The following LONRF2 variants were observed in gnomAD, a reference collection of about 807,000 sequenced individuals.
The protein encoded by LONRF2 is LON peptidase N-terminal domain and RING finger protein 2.
A neutral mutation model predicts 66.6 loss-of-function variants in LONRF2; 35 were observed. The observed-to-expected ratio is 0.53, with a 90% CI of 0.40 to 0.70. LONRF2 has a LOEUF of 0.70. Ranked by LOEUF, LONRF2 falls within the 30% of genes least tolerant of loss-of-function variation. The pLI is 0.00. For missense variants in LONRF2, 902 were observed against 1,002.1 expected (o/e 0.90, Z 1.35); for synonymous variants, 417 against 418.1 (o/e 1.00, Z 0.03).
rs1213055378 is a variant in LONRF2, at chr2:100,276,314, T to A, written c.*7984A>T. On this transcript the variant is annotated 3_prime_UTR_variant, in exon 12 of 12. Transcript: ENST00000393437. ...AAACATTGTACCCCTATAATCTTTT[T>A]AAAAAGGCAACTAAATATAAAATGG... is the stretch of plus-strand genomic sequence containing the variant. 1 of 152,160 alleles carries A rather than the reference T, an allele frequency of 6.6e-6. No individual in the cohort carries two copies. Among genetic ancestry groups the A allele is most frequent in the Non-Finnish European group, 1.5e-5 (1 of 68,026 alleles). 9.4% of individuals were successfully genotyped at this position (152,160 alleles called of 1,614,324 possible). A position where few individuals can be genotyped will look rare whatever the true frequency, so the allele number is the denominator to read the frequency against.
chr2:100,296,560 G>A (rs1360904561), intron 7 of LONRF2, among the ~76,000 whole-genome samples: 3 of 152,042 alleles, frequency 2.0e-5, no homozygotes, highest in Admixed American at 6.6e-5. Flanking sequence ...TGAGTCCTTC[G>A]CATACTGCCA....
At position 100,273,393 on chromosome 2, in the gene LONRF2, T is replaced by G. The variant is rs1674536277; in HGVS notation, c.*10905A>C. The G allele has an allele frequency of 6.6e-6, 1 of 152,274 alleles. No homozygotes were observed. The highest frequency in any genetic ancestry group is 2.4e-5 in the African/African-American group (1 of 41,478). The allele number at this position is 152,274 out of a possible 1,614,324, so 9.4% of individuals were successfully genotyped here. On this transcript the variant is annotated 3_prime_UTR_variant, in exon 12 of 12. Transcript: ENST00000393437. ...CAAAGGCCTAGGCACTGATTTGATC[T>G]AATTTCTCATCAGTCTAGCCTATTA...
Position 100,309,189 on chromosome 2 carries a change from T to C in LONRF2, c.716A>G (p.Glu239Gly), listed in dbSNP as rs1253983380. The C allele has an allele frequency of 6.2e-7, 1 of 1,608,360 alleles. No individual in the cohort carries two copies. The highest frequency in any genetic ancestry group is 1.3e-5 in the African/African-American group (1 of 74,646). Residue 239 changes from glutamate (E) to glycine (G), a missense_variant, in exon 2 of 12, where the codon GAG becomes GGG. Physicochemically the swap from Glu to Gly is moderately conservative, Grantham distance 98. Coordinates refer to ENST00000393437, the MANE Select transcript of LONRF2 (RefSeq NM_198461.4). ...ATAGTTCTTCATGGTCAAATATAAC[T>C]CCGCCCGCAGCAGCAATAATGAATT... ...DDNSLLLLRA[E>G]LYLTMKNYEQ...
intron 9 of LONRF2, among the ~76,000 whole-genome samples, chr2:100,292,679 T>A (rs1013143388): frequency 5.9e-5 from 9 of 152,214 alleles, no homozygotes; most frequent in Non-Finnish European, 1.5e-5. Flanking sequence ...AATTTTCATA[T>A]ATTCTAATTT....
intron 2 of LONRF2, 80 bp downstream of exon 2, chr2:100,309,027 C>G (rs1559181370): frequency 1.1e-6 from 1 of 945,032 alleles, no homozygotes; most frequent in South Asian, 1.8e-5. Context: ...GGTACCTGAT[C>G]ACAATAATCT....
At chr2:100,312,763 A>AT (rs928359182) in intron 1 of LONRF2, among the ~76,000 whole-genome samples, 3 of 152,232 alleles carry the variant, frequency 2.0e-5, no homozygotes, top group Non-Finnish European at 4.4e-5. Context: ...GCACTTCACA[A>AT]TTTAGTCTTT....
Position 100,286,913 on chromosome 2 carries a change from C to G in LONRF2, c.2070+1G>C. Reference sequence around the variant, plus strand: ...TTATAAAGGAAAAAGGGAGGGCATACCTGAGGCTCAGGTTCTCTGTCTGGC... The same window carrying G: ...TTATAAAGGAAAAAGGGAGGGCATAGCTGAGGCTCAGGTTCTCTGTCTGGC... On this transcript the variant is annotated splice_donor_variant, in intron 11 of 11. Coordinates refer to ENST00000393437, the MANE Select transcript of LONRF2 (RefSeq NM_198461.4). LOFTEE classifies it high-confidence loss of function. The G allele has an allele frequency of 6.2e-7, 1 of 1,613,216 alleles. No individual in the cohort carries two copies. The highest frequency in any genetic ancestry group is 8.5e-7 in the Non-Finnish European group (1 of 1,179,582).
In LONRF2 at chr2:100,321,655, G is replaced by C. The variant is rs540546472; in HGVS notation, c.439C>G (p.Arg147Gly). The C allele has an allele frequency of 1.7e-5, 24 of 1,376,938 alleles. No homozygotes were observed. The highest frequency in any genetic ancestry group is 1.3e-4 in the East Asian group (4 of 31,826). The allele number at this position is 1,376,938 out of a possible 1,614,324, so 85.3% of individuals were successfully genotyped here. The change falls in exon 1 of 12, where the codon CGG becomes GGG. Residue 147 changes from arginine to glycine, a missense_variant. Physicochemically the swap from Arg to Gly is moderately radical, Grantham distance 125. Coordinates refer to ENST00000393437, the MANE Select transcript of LONRF2 (RefSeq NM_198461.4). ...PRDLLGCPRC[R>G]RLLHKPVTLP... Reference sequence around the variant, plus strand: ...GTCACCGGCTTATGCAGCAGCCGCCGGCAGCGCGGGCAGCCGAGCAGGTCG... The same window carrying C: ...GTCACCGGCTTATGCAGCAGCCGCCCGCAGCGCGGGCAGCCGAGCAGGTCG...
chr2:100,307,789 C>G (rs1330675853), intron 2 of LONRF2, among the ~76,000 whole-genome samples: 1 of 152,150 alleles, frequency 6.6e-6, no homozygotes, highest in African/African-American at 2.4e-5. Flanking sequence ...TGTTAATTAA[C>G]TTGATTTTGC....
intron 7 of LONRF2, among the ~76,000 whole-genome samples, chr2:100,298,066 C>T (rs1041822884): frequency 6.6e-6 from 1 of 152,154 alleles, no homozygotes; most frequent in African/African-American, 2.4e-5. Flanking sequence ...TATTATCAGT[C>T]TCATTTAATG....
At chr2:100,310,983 CA>C (rs1675396578) in intron 1 of LONRF2, among the ~76,000 whole-genome samples, 1 of 152,106 alleles carries the variant, frequency 6.6e-6, no homozygotes, top group Non-Finnish European at 1.5e-5. Context: ...TTCCTATCAT[CA>C]AAACAACTGA....
At chr2:100,307,241 G>A (rs979843435) in intron 2 of LONRF2, among the ~76,000 whole-genome samples, 3 of 152,078 alleles carry the variant, frequency 2.0e-5, no homozygotes, top group Non-Finnish European at 2.9e-5. Flanking sequence ...ATTAAACTAC[G>A]TTTTGGCTGA....
chr2:100,304,311 G>GATAATTTT (rs1675245107), intron 2 of LONRF2, among the ~76,000 whole-genome samples: 3 of 64,232 alleles, frequency 4.7e-5, no homozygotes, highest in African/African-American at 3.4e-4. Context: ...ACCCTGCCTG[G>GATAATTTT]CTAATTTTTT....
At position 100,275,923 on chromosome 2, in the gene LONRF2, T is replaced by C. The variant is rs1674591859; in HGVS notation, c.*8375A>G. ...GTGTATTTATGCGTGTGAGTGCATA[T>C]ACATACACATACACACATATATACA... On this transcript the variant is annotated 3_prime_UTR_variant, in exon 12 of 12. Transcript: ENST00000393437. 1 of 152,210 alleles carries C rather than the reference T, an allele frequency of 6.6e-6. No individual in the cohort carries two copies. The highest frequency in any genetic ancestry group is 2.1e-4 in the South Asian group (1 of 4,832). 9.4% of individuals were successfully genotyped at this position (152,210 alleles called of 1,614,324 possible).
chr2:100,319,839 A>G (rs778844767), intron 1 of LONRF2, among the ~76,000 whole-genome samples: 24 of 152,202 alleles, frequency 1.6e-4, no homozygotes, highest in Admixed American at 6.5e-5. Flanking sequence ...GGGGGCACAT[A>G]TGCATATACC....
intron 3 of LONRF2, 86 bp downstream of exon 3, chr2:100,302,835 T>A: frequency 7.8e-7 from 1 of 1,282,040 alleles, no homozygotes; most frequent in Middle Eastern, 2.0e-4. Flanking sequence ...TATTTCTTGT[T>A]TATTTCACAT....
chr2:100,300,829 C>T, intron 3 of LONRF2, 42 bp from the exon 4 acceptor site: 1 of 1,461,822 alleles, frequency 6.8e-7, no homozygotes, highest in South Asian at 1.4e-5. Flanking sequence ...TATTTTAAAA[C>T]ACTTTTGTAA....
intron 1 of LONRF2, among the ~76,000 whole-genome samples, chr2:100,311,257 C>T (rs1675401727): frequency 6.6e-6 from 1 of 151,886 alleles, no homozygotes; most frequent in Non-Finnish European, 1.5e-5. Context: ...ATATACAATT[C>T]TCCTTTGGAG....
intron 6 of LONRF2, 65 bp downstream of exon 6, chr2:100,299,161 C>T (rs1675128187): frequency 1.6e-6 from 2 of 1,213,206 alleles, no homozygotes; most frequent in Non-Finnish European, 2.3e-6. Flanking sequence ...GCCCATTACA[C>T]TTTGGTATAC....
Sources: allele counts gnomAD v4.1 joint callset (sites outside exome capture counted in the v4.1 genomes callset), GRCh38; gene constraint gnomAD v4.1.1; transcripts MANE v1.5; gene names NCBI Gene and HGNC (gene_info 2026-07-23, HGNC 2026-07-21).